The following CTNNA2 variants were observed in gnomAD, a reference collection of about 807,000 sequenced individuals.
The protein encoded by CTNNA2 is catenin alpha-2.
In CTNNA2, 42 loss-of-function variants were observed where a neutral mutation model predicts 101.0. That is an observed-to-expected ratio of 0.42 (90% confidence interval 0.32 to 0.54). The LOEUF is 0.54. Ranked by LOEUF, CTNNA2 falls within the 20% of genes least tolerant of loss-of-function variation. The pLI is 0.14. For synonymous variants in CTNNA2, 450 were observed against 456.4 expected, an observed-to-expected ratio of 0.99 and a Z score of 0.18; for missense variants, 871 against 1,223.1, an observed-to-expected ratio of 0.71 and a Z score of 4.29.
At position 79,268,704 on chromosome 2, in the gene CTNNA2, G is replaced by T. The variant is rs181288767; in HGVS notation, c.-405-44005G>T. Among the ~76,000 whole-genome samples the T allele has an allele frequency of 3.9e-5, 6 of 152,210 alleles. No individual in the cohort carries two copies. The East Asian group carries it at 1.2e-3, about 30-fold the overall frequency. ...GTTGAACTGTGTTGGGAGGACACCT[G>T]GCTGGTGCCTACTACAGAACTGATT... is the stretch of plus-strand genomic sequence containing the variant. On this transcript the variant is annotated intron_variant, in intron 2 of 21. Transcript: ENST00000466387.
intron 4 of CTNNA2, among the ~76,000 whole-genome samples, chr2:79,456,730 C>T (rs956715718): frequency 1.3e-5 from 2 of 152,152 alleles, no homozygotes; most frequent in African/African-American, 4.8e-5. Flanking sequence ...TAAAATGGCA[C>T]TTGGTTAGAA....
chr2:79,977,905 G>A (rs945385452), intron 7 of CTNNA2, among the ~76,000 whole-genome samples: 2 of 152,018 alleles, frequency 1.3e-5, no homozygotes, highest in East Asian at 3.9e-4. Flanking sequence ...CCTTTACTGA[G>A]TACCTGTTGG....
At chr2:80,211,835 T>C (rs980713951) in intron 7 of CTNNA2, among the ~76,000 whole-genome samples, 2 of 152,190 alleles carry the variant, frequency 1.3e-5, no homozygotes, top group African/African-American at 4.8e-5. Context: ...CAATATTGAT[T>C]CTTCCTACCC....
At chr2:79,913,792 C>A (rs1465000265) in intron 7 of CTNNA2, among the ~76,000 whole-genome samples, 2 of 152,086 alleles carry the variant, frequency 1.3e-5, no homozygotes, top group African/African-American at 4.8e-5. Context: ...ATGACAGTTG[C>A]AGTTGTATCA....
chr2:79,477,784 G>A (rs1671066696), intron 4 of CTNNA2, among the ~76,000 whole-genome samples: 1 of 152,184 alleles, frequency 6.6e-6, no homozygotes, highest in African/African-American at 2.4e-5. Flanking sequence ...GCTAGTTACT[G>A]TTTAAAATAA....
At chr2:80,490,523 A>G (rs562541803) in intron 9 of CTNNA2, among the ~76,000 whole-genome samples, 2 of 152,258 alleles carry the variant, frequency 1.3e-5, no homozygotes, top group African/African-American at 4.8e-5. Flanking sequence ...ACTATTCAAA[A>G]ACATAAAACT....
At chr2:80,181,468 T>C (rs948668254) in intron 7 of CTNNA2, among the ~76,000 whole-genome samples, 2 of 152,172 alleles carry the variant, frequency 1.3e-5, no homozygotes, top group African/African-American at 2.4e-5. Flanking sequence ...CTCACTTTAA[T>C]AGTAGACACC....
At chr2:79,326,981 T>C (rs1338755004) in intron 3 of CTNNA2, among the ~76,000 whole-genome samples, 3 of 152,168 alleles carry the variant, frequency 2.0e-5, no homozygotes, top group Non-Finnish European at 4.4e-5. Context: ...CTCAAGAAGA[T>C]GTTAACTGTG....
intron 9 of CTNNA2, among the ~76,000 whole-genome samples, chr2:80,499,932 CAAA>C (rs35267780): frequency 1.2e-5 from 1 of 80,338 alleles, no homozygotes; most frequent in Admixed American, 1.4e-4. Context: ...AAACGTTCTA[CAAA>C]AAAAAAAAAA....
intron 7 of CTNNA2, among the ~76,000 whole-genome samples, chr2:80,264,079 A>G (rs902902133): frequency 1.3e-5 from 2 of 152,190 alleles, no homozygotes; most frequent in African/African-American, 4.8e-5. Context: ...GCACTTAACC[A>G]TAAATAATAG....
chr2:79,462,311 G>C (rs777725627), intron 4 of CTNNA2, among the ~76,000 whole-genome samples: 1 of 152,124 alleles, frequency 6.6e-6, no homozygotes, highest in Non-Finnish European at 1.5e-5. Context: ...AAAAACACAG[G>C]CATGCTCCTC....
chr2:80,643,247 G>A (rs535907391), intron 18 of CTNNA2, among the ~76,000 whole-genome samples: 4 of 152,088 alleles, frequency 2.6e-5, no homozygotes, highest in Admixed American at 2.6e-4. Flanking sequence ...GAAATAGCAT[G>A]GAGGAATGGT....
At chr2:80,279,017 G>T (rs934163984) in intron 7 of CTNNA2, among the ~76,000 whole-genome samples, 27 of 143,460 alleles carry the variant, frequency 1.9e-4, no homozygotes, top group African/African-American at 6.4e-4. Context: ...GACTGAATTT[G>T]GTTTTGTTCC....
At chr2:79,786,151 T>C (rs1326961215) in intron 3 of CTNNA2, among the ~76,000 whole-genome samples, 4 of 145,780 alleles carry the variant, frequency 2.7e-5, no homozygotes, top group Admixed American at 6.9e-5. Context: ...CAGTGTGATT[T>C]AATACATATG....
intron 12 of CTNNA2, among the ~76,000 whole-genome samples, chr2:80,558,278 A>G (rs1299844054): frequency 6.6e-6 from 1 of 152,184 alleles, no homozygotes; most frequent in Non-Finnish European, 1.5e-5. Flanking sequence ...TATTTTGTGA[A>G]TAACTAGAGA....
intron 6 of CTNNA2, among the ~76,000 whole-genome samples, chr2:79,908,149 C>T (rs1685549375): frequency 6.6e-6 from 1 of 152,160 alleles, no homozygotes; most frequent in Non-Finnish European, 1.5e-5. Context: ...TCCATAAAAG[C>T]ATCTTTTATC....
At chr2:79,664,383 A>G (rs906588482) in intron 2 of CTNNA2, among the ~76,000 whole-genome samples, 6 of 152,208 alleles carry the variant, frequency 3.9e-5, no homozygotes, top group African/African-American at 1.2e-4. Context: ...AAGTTTCTCA[A>G]CCATTATGAA....
chr2:79,310,247 C>T (rs1305830698), intron 2 of CTNNA2, among the ~76,000 whole-genome samples: 1 of 152,064 alleles, frequency 6.6e-6, no homozygotes, highest in Non-Finnish European at 1.5e-5. Context: ...TGCTTAAGAG[C>T]AATGGTGATA....
intron 1 of CTNNA2, among the ~76,000 whole-genome samples, chr2:79,560,627 G>A (rs1431636806): frequency 6.6e-6 from 1 of 151,750 alleles, no homozygotes; most frequent in Non-Finnish European, 1.5e-5. Flanking sequence ...ATATTAGAAA[G>A]GCAAAAGAAT....
Sources: allele counts gnomAD v4.1 joint callset (sites outside exome capture counted in the v4.1 genomes callset), GRCh38; gene constraint gnomAD v4.1.1; transcripts MANE v1.5; gene names NCBI Gene and HGNC (gene_info 2026-07-23, HGNC 2026-07-21).